Variants in CDYL observed in about 807,000 individuals in gnomAD.
CDYL encodes the protein chromodomain Y like.
A neutral mutation model predicts 47.3 loss-of-function variants in CDYL; 8 were observed. The observed-to-expected ratio is 0.17, with a 90% CI of 0.10 to 0.31. The LOEUF (loss-of-function observed/expected upper bound fraction) is 0.31. Among genes scored for constraint, CDYL ranks in the 10% least tolerant of loss-of-function variants. The pLI, the probability that CDYL is intolerant of heterozygous loss-of-function variation, is 1.00. For synonymous variants in CDYL, 266 were observed against 265.0 expected, an observed-to-expected ratio of 1.00 and a Z score of -0.04; for missense variants, 471 against 701.4, an observed-to-expected ratio of 0.67 and a Z score of 3.71.
At chr6:4,901,252 G>A (rs1757045961) in intron 2 of CDYL, among the ~76,000 whole-genome samples, 1 of 152,068 alleles carries the variant, frequency 6.6e-6, no homozygotes, top group Non-Finnish European at 1.5e-5. Context: ...CAAAGGGGGG[G>A]AAATCACATT....
chr6:4,834,459 G>T, intron 1 of CDYL, among the ~76,000 whole-genome samples: 1 of 150,020 alleles, frequency 6.7e-6, no homozygotes, highest in Non-Finnish European at 1.5e-5. Flanking sequence ...AGTCTGATGG[G>T]CTTCCCTTTG....
At chr6:4,806,984 A>T (rs1759387939) in intron 1 of CDYL, among the ~76,000 whole-genome samples, 1 of 152,216 alleles carries the variant, frequency 6.6e-6, no homozygotes, top group Non-Finnish European at 1.5e-5. Context: ...TCCTTCCCTC[A>T]GAGGCTTGTG....
intron 2 of CDYL, among the ~76,000 whole-genome samples, chr6:4,893,957 C>A (rs1224352733): frequency 1.3e-5 from 2 of 152,216 alleles, no homozygotes; most frequent in African/African-American, 4.8e-5. Flanking sequence ...AGGAAATTGC[C>A]ATCTTGCCAA....
At chr6:4,744,598 A>G (rs1045587482) in intron 3 of CDYL, among the ~76,000 whole-genome samples, 7 of 152,216 alleles carry the variant, frequency 4.6e-5, no homozygotes, top group African/African-American at 1.4e-4. Flanking sequence ...TTAAGAACCA[A>G]CATTTCTTGT....
intron 3 of CDYL, among the ~76,000 whole-genome samples, chr6:4,752,724 T>C (rs1370758977): frequency 1.3e-5 from 2 of 152,152 alleles, no homozygotes; most frequent in African/African-American, 4.8e-5. Flanking sequence ...TTGGTAATTG[T>C]CTGTGAAATG....
chr6:4,831,843 A>G (rs1760153988), intron 1 of CDYL, among the ~76,000 whole-genome samples: 1 of 152,162 alleles, frequency 6.6e-6, no homozygotes, highest in South Asian at 2.1e-4. Context: ...AGCAATTGTG[A>G]ATGGGAGTTC....
intron 1 of CDYL, among the ~76,000 whole-genome samples, chr6:4,863,679 AAAAT>A (rs1270318491): frequency 6.6e-6 from 1 of 152,250 alleles, no homozygotes; most frequent in Non-Finnish European, 1.5e-5. Flanking sequence ...TTTAATCAAG[AAAAT>A]AAATATCCTT....
At chr6:4,796,408 G>A (rs1759074059) in intron 1 of CDYL, among the ~76,000 whole-genome samples, 1 of 152,086 alleles carries the variant, frequency 6.6e-6, no homozygotes, top group African/African-American at 2.4e-5. Flanking sequence ...TTAAATATTT[G>A]TTCAGGGTTC....
At chr6:4,811,517 T>G (rs1759528051) in intron 1 of CDYL, among the ~76,000 whole-genome samples, 1 of 152,132 alleles carries the variant, frequency 6.6e-6, no homozygotes, top group South Asian at 2.1e-4. Flanking sequence ...ATCATGAGGC[T>G]CCTAGAATTT....
chr6:4,712,343 A>AT (rs202061573), intron 1 of CDYL, among the ~76,000 whole-genome samples: 150 of 152,316 alleles, frequency 9.8e-4, no homozygotes, highest in African/African-American at 3.2e-3. Flanking sequence ...GATACTAGGA[A>AT]TCCCCCCTGG....
intron 1 of CDYL, among the ~76,000 whole-genome samples, chr6:4,819,116 T>TTCTCTCTCTCTCTCTCTC (rs373718294): frequency 4.2e-4 from 32 of 76,696 alleles, no homozygotes; most frequent in East Asian, 8.8e-4. Context: ...TTTAGGTTCG[T>TTCTCTCTCTCTCTCTCTC]TCTCTCTCTC....
intron 1 of CDYL, among the ~76,000 whole-genome samples, chr6:4,826,181 G>A (rs1271230875): frequency 2.0e-5 from 3 of 152,142 alleles, no homozygotes; most frequent in African/African-American, 7.2e-5. Context: ...CTTATGAGCA[G>A]GTGGTTTAGT....
chr6:4,767,005 AAAAAATTAACAAGAAAG>A (rs1370714301), intron 3 of CDYL, among the ~76,000 whole-genome samples: 6 of 151,992 alleles, frequency 3.9e-5, no homozygotes. Flanking sequence ...CTGTCTAAAA[AAAAAATTAACAAGAAAG>A]AAAAATTTCA....
At chr6:4,939,878 G>A (rs1261121291) in intron 4 of CDYL, among the ~76,000 whole-genome samples, 2 of 152,184 alleles carry the variant, frequency 1.3e-5, no homozygotes, top group Admixed American at 1.3e-4. Flanking sequence ...CTTTTTGGTA[G>A]CTCTGCGGTC....
At chr6:4,938,138 C>T (rs1758254540) in intron 4 of CDYL, among the ~76,000 whole-genome samples, 1 of 152,202 alleles carries the variant, frequency 6.6e-6, no homozygotes, top group Admixed American at 6.5e-5. Flanking sequence ...TAGTAAGTTA[C>T]CATTTGCTCG....
rs1269848251 is a variant in CDYL, at chr6:4,954,270, G to A, written c.*214G>A. ...AACTACAAAGCTTCTTTGTCCAAAC[G>A]TCATTATTTTATACTTATATACACG... is the stretch of plus-strand genomic sequence containing the variant. On this transcript the variant is annotated 3_prime_UTR_variant, in exon 7 of 7. Coordinates refer to ENST00000397588, the MANE Select transcript of CDYL (RefSeq NM_004824.4). 5 of 457,032 alleles carry A rather than the reference G, an allele frequency of 1.1e-5. No homozygotes were observed. The highest frequency in any genetic ancestry group is 4.4e-5 in the South Asian group (1 of 22,646). The allele number at this position is 457,032 out of a possible 1,614,324, so 28.3% of individuals were successfully genotyped here. A position where few individuals can be genotyped will look rare whatever the true frequency, so the allele number is the denominator to read the frequency against.
chr6:4,732,615 G>A (rs1431999874), intron 2 of CDYL, among the ~76,000 whole-genome samples: 1 of 145,966 alleles, frequency 6.9e-6, no homozygotes, highest in South Asian at 2.2e-4. Context: ...ATGAGCTCTG[G>A]TTGCACCACT....
chr6:4,837,127 G>T (rs1561661936), intron 1 of CDYL, among the ~76,000 whole-genome samples: 1 of 152,198 alleles, frequency 6.6e-6, no homozygotes, highest in Non-Finnish European at 1.5e-5. Context: ...TAAAGGCATA[G>T]ACCTGAGTCA....
At chr6:4,909,911 G>C (rs1169017145) in intron 2 of CDYL, among the ~76,000 whole-genome samples, 1 of 152,036 alleles carries the variant, frequency 6.6e-6, no homozygotes, top group African/African-American at 2.4e-5. Context: ...AGGACCCTTT[G>C]GGGCTGGCCT....
Sources: allele counts gnomAD v4.1 joint callset (sites outside exome capture counted in the v4.1 genomes callset), GRCh38; gene constraint gnomAD v4.1.1; transcripts MANE v1.5; gene names NCBI Gene and HGNC (gene_info 2026-07-23, HGNC 2026-07-21).